The following CNTNAP2 variants were observed in gnomAD, a reference collection of about 807,000 sequenced individuals.
The protein encoded by CNTNAP2 is contactin associated protein 2.
In CNTNAP2, 98 loss-of-function variants were observed where a neutral mutation model predicts 155.2. The observed-to-expected ratio is 0.63, with a 90% CI of 0.54 to 0.75. The LOEUF (loss-of-function observed/expected upper bound fraction) is 0.75, where lower values mean the gene tolerates loss of function less well. CNTNAP2 is among the 30% of genes least tolerant of loss of function. CNTNAP2 has a pLI of 0.00. For synonymous variants in CNTNAP2, 651 were observed against 631.2 expected (o/e 1.03, Z -0.47); for missense variants, 1,727 against 1,688.1 (o/e 1.02, Z -0.40).
intron 14 of CNTNAP2, among the ~76,000 whole-genome samples, chr7:147,907,956 T>C (rs1799994749): frequency 6.6e-6 from 1 of 151,616 alleles, no homozygotes; most frequent in African/African-American, 2.4e-5. Flanking sequence ...TTTTGTATTT[T>C]TAGTAGAGAT....
In CNTNAP2 at chr7:148,415,827, T is replaced by TCTGTATC. The variant is rs1387225155; in HGVS notation, c.*212_*218dup. The TCTGTATC allele has an allele frequency of 3.2e-6, 2 of 620,208 alleles. No individual in the cohort carries two copies. Among genetic ancestry groups the TCTGTATC allele is most frequent in the Non-Finnish European group, 5.6e-6 (2 of 358,592 alleles). The allele number at this position is 620,208 out of a possible 1,614,324, so 38.4% of individuals were successfully genotyped here. A position where few individuals can be genotyped will look rare whatever the true frequency, so the allele number is the denominator to read the frequency against. On this transcript the variant is annotated 3_prime_UTR_variant, in exon 24 of 24. Transcript: ENST00000361727. ...ATTTCTTTATAGCTGAGTTTTCCCT[T>TCTGTATC]CTGTATCAAAACAAAATAATACAAA...
intron 8 of CNTNAP2, among the ~76,000 whole-genome samples, chr7:147,183,454 G>A (rs1802507001): frequency 1.3e-5 from 2 of 151,934 alleles, no homozygotes; most frequent in African/African-American, 4.8e-5. Context: ...ACACCATCTC[G>A]TCCAACCACT....
At chr7:146,189,719 G>A (rs529614205) in intron 1 of CNTNAP2, among the ~76,000 whole-genome samples, 4 of 152,252 alleles carry the variant, frequency 2.6e-5, no homozygotes, top group South Asian at 2.1e-4. Flanking sequence ...TTGCAGGTGC[G>A]ACTGAGTGAG....
chr7:147,700,880 G>T (rs768147795), intron 13 of CNTNAP2, among the ~76,000 whole-genome samples: 3 of 152,148 alleles, frequency 2.0e-5, no homozygotes, highest in Non-Finnish European at 4.4e-5. Context: ...GTCTCCTTTT[G>T]TACTGGAACA....
intron 9 of CNTNAP2, among the ~76,000 whole-genome samples, chr7:147,337,539 T>G (rs1795685866): frequency 6.6e-6 from 1 of 151,530 alleles, no homozygotes; most frequent in Admixed American, 6.6e-5. Flanking sequence ...TAAGTTAGGG[T>G]ATGCAATATA....
chr7:146,645,673 C>A (rs192298542), intron 1 of CNTNAP2, among the ~76,000 whole-genome samples: 1 of 152,098 alleles, frequency 6.6e-6, no homozygotes, highest in East Asian at 1.9e-4. Context: ...ATATAGGTGA[C>A]CCATTGAAAC....
chr7:146,305,254 C>T lies in CNTNAP2; in HGVS notation c.97+188281C>T, dbSNP rs138947380. On this transcript the variant is annotated intron_variant, in intron 1 of 23. Transcript: ENST00000361727. ...CTCAGAGAAGTTTGTTGTTGCCAGT[C>T]GTCTGAAGCCTTCTTCTCTCAACTC... 3.5e-3 allele frequency among the ~76,000 whole-genome samples: 529 copies of T among 152,248 alleles called. 4 individuals carry two copies. The highest frequency in any genetic ancestry group is 0.012 in the African/African-American group (502 of 41,542).
intron 15 of CNTNAP2, among the ~76,000 whole-genome samples, chr7:148,031,452 G>T (rs991927480): frequency 1.3e-5 from 2 of 152,148 alleles, no homozygotes; most frequent in African/African-American, 2.4e-5. Context: ...CTAAAATTAG[G>T]TGGGAAGTCC....
At chr7:147,393,752 T>G (rs1478799885) in intron 9 of CNTNAP2, among the ~76,000 whole-genome samples, 1 of 151,914 alleles carries the variant, frequency 6.6e-6, no homozygotes, top group Non-Finnish European at 1.5e-5. Flanking sequence ...AGCCATATAT[T>G]AACATTAAAG....
intron 12 of CNTNAP2, among the ~76,000 whole-genome samples, chr7:147,597,803 T>C (rs1200351354): frequency 6.6e-6 from 1 of 152,192 alleles, no homozygotes; most frequent in Non-Finnish European, 1.5e-5. Flanking sequence ...TTCCTGATAG[T>C]TCGGAAACGT....
At chr7:147,030,150 G>A (rs551889044) in intron 3 of CNTNAP2, among the ~76,000 whole-genome samples, 2 of 152,290 alleles carry the variant, frequency 1.3e-5, no homozygotes, top group African/African-American at 4.8e-5. Context: ...GTTGGTTACT[G>A]CTATAAATTT....
intron 13 of CNTNAP2, among the ~76,000 whole-genome samples, chr7:147,693,014 G>T (rs891010647): frequency 2.0e-5 from 3 of 152,016 alleles, no homozygotes; most frequent in African/African-American, 4.8e-5. Context: ...GTTCATTGTT[G>T]TGAGGGGTTC....
intron 1 of CNTNAP2, among the ~76,000 whole-genome samples, chr7:146,166,905 G>C (rs1798319735): frequency 6.6e-6 from 1 of 152,168 alleles, no homozygotes; most frequent in Non-Finnish European, 1.5e-5. Flanking sequence ...CAAGAGCTGT[G>C]AAATGGTAAG....
chr7:146,418,239 C>A (rs1261217184), intron 1 of CNTNAP2, among the ~76,000 whole-genome samples: 4 of 152,334 alleles, frequency 2.6e-5, no homozygotes, highest in Admixed American at 2.6e-4. Context: ...GCCTGGAGTT[C>A]TCTCTAGTTG....
At chr7:148,218,130 G>GA (rs1390122447) in intron 19 of CNTNAP2, among the ~76,000 whole-genome samples, 2 of 151,348 alleles carry the variant, frequency 1.3e-5, no homozygotes, top group East Asian at 3.9e-4. Context: ...TGTCTCAAAA[G>GA]AAAAAAAAGA....
chr7:147,051,962 TTG>T (rs1467028133), intron 4 of CNTNAP2, among the ~76,000 whole-genome samples: 1 of 152,104 alleles, frequency 6.6e-6, no homozygotes, highest in Non-Finnish European at 1.5e-5. Context: ...TCCAGTCATA[TTG>T]TGTTTTATGC....
intron 18 of CNTNAP2, among the ~76,000 whole-genome samples, chr7:148,176,211 C>CTTTTTTTTTTTTTTTTT (rs1188113801): frequency 2.2e-5 from 2 of 92,792 alleles, no homozygotes; most frequent in Admixed American, 1.4e-4. Context: ...CTTTCTTTCT[C>CTTTTTTTTTTTTTTTTT]TTTTTTTTTT....
At chr7:146,711,367 ATATC>A (rs1801069187) in intron 1 of CNTNAP2, among the ~76,000 whole-genome samples, 1 of 147,134 alleles carries the variant, frequency 6.8e-6, no homozygotes, top group Non-Finnish European at 1.5e-5. Flanking sequence ...ATATACATAT[ATATC>A]CATGAGAATG....
intron 4 of CNTNAP2, among the ~76,000 whole-genome samples, chr7:147,063,495 A>G (rs1030776457): frequency 3.9e-5 from 6 of 152,296 alleles, no homozygotes; most frequent in African/African-American, 1.2e-4. Context: ...AGGAGATAAC[A>G]GCAATCTCAG....
Sources: gnomAD v4.1 joint callset for allele counts (sites outside exome capture counted in the v4.1 genomes callset) on GRCh38, gnomAD v4.1.1 for gene constraint, MANE v1.5 for transcripts, NCBI Gene and HGNC (gene_info 2026-07-23, HGNC 2026-07-21) for gene names.